FHOD3: variants seen among roughly 807,000 people sequenced by gnomAD.
The protein encoded by FHOD3 is FH1/FH2 domain-containing protein 3.
Under a neutral mutation model 173.0 loss-of-function variants are expected in FHOD3, and 90 were observed. The observed-to-expected ratio is 0.52, with a 90% CI of 0.44 to 0.62. The LOEUF is 0.62. Among genes scored for constraint, FHOD3 ranks in the 20% least tolerant of loss-of-function variants. FHOD3 has a pLI of 0.00. For synonymous variants in FHOD3, 828 were observed against 823.0 expected, an observed-to-expected ratio of 1.01 and a Z score of -0.10; for missense variants, 1,945 against 2,034.7, an observed-to-expected ratio of 0.96 and a Z score of 0.85.
intron 5 of FHOD3, among the ~76,000 whole-genome samples, chr18:36,516,875 G>C (rs2056012869): frequency 6.6e-6 from 1 of 152,214 alleles, no homozygotes; most frequent in Admixed American, 6.5e-5. Context: ...GTGGCTACAT[G>C]GGAGTCCTAC....
In FHOD3 at chr18:36,718,500, G is replaced by C. The variant is rs574638946; in HGVS notation, c.3202G>C (p.Gly1068Arg). Residue 1068 changes from glycine to arginine, a missense_variant, in exon 19 of 29, where the codon GGG becomes CGG. Gly to Arg is a moderately radical substitution (Grantham distance 125). Transcript: ENST00000590592. ...AGTGTTCAACGCTCCTCAGGGCTTA[G>C]GGTGGTCCCAGGTACCCAGGGGTCA... ...PPVFNAPQGL[G>R]WSQVPRGQPT... 34 of 1,613,896 alleles carry C rather than the reference G, an allele frequency of 2.1e-5. No homozygotes were observed. The highest frequency in any genetic ancestry group is 2.7e-5 in the Non-Finnish European group (32 of 1,180,008).
At chr18:36,600,867 TC>T (rs1404836591) in intron 7 of FHOD3, among the ~76,000 whole-genome samples, 1 of 152,200 alleles carries the variant, frequency 6.6e-6, no homozygotes, top group African/African-American at 2.4e-5. Context: ...CGATACTTTC[TC>T]CCCTGCACAT....
intron 15 of FHOD3, 91 bp from the exon 16 acceptor site, chr18:36,687,037 G>T: frequency 1.1e-6 from 1 of 950,482 alleles, no homozygotes. Flanking sequence ...AGTCTTTCAT[G>T]ATATACTGTT....
intron 3 of FHOD3, among the ~76,000 whole-genome samples, chr18:36,438,992 C>A (rs1018811075): frequency 2.0e-5 from 3 of 152,154 alleles, no homozygotes; most frequent in African/African-American, 7.2e-5. Flanking sequence ...AGACACAAGC[C>A]ATTTAGGAAG....
At chr18:36,447,554 G>T (rs754469105) in intron 3 of FHOD3, among the ~76,000 whole-genome samples, 1 of 152,304 alleles carries the variant, frequency 6.6e-6, no homozygotes, top group East Asian at 1.9e-4. Flanking sequence ...GAAGAACTTT[G>T]TGTGGTGTGG....
intron 3 of FHOD3, among the ~76,000 whole-genome samples, chr18:36,381,004 C>T (rs1172251045): frequency 2.6e-5 from 4 of 152,124 alleles, no homozygotes; most frequent in African/African-American, 4.8e-5. Context: ...TGGAGTCTTT[C>T]GATTCCCTGG....
At chr18:36,733,002 C>T (rs1436646053) in intron 20 of FHOD3, among the ~76,000 whole-genome samples, 2 of 152,180 alleles carry the variant, frequency 1.3e-5, no homozygotes, top group African/African-American at 4.8e-5. Flanking sequence ...GATTAAATGA[C>T]AAAGGTCTTG....
At chr18:36,759,649 G>T (rs891423823) in intron 26 of FHOD3, among the ~76,000 whole-genome samples, 2 of 152,202 alleles carry the variant, frequency 1.3e-5, no homozygotes, top group Non-Finnish European at 2.9e-5. Flanking sequence ...TGCAGTGGCA[G>T]ATGGCAGGGG....
intron 1 of FHOD3, among the ~76,000 whole-genome samples, chr18:36,318,758 T>C (rs531628142): frequency 6.6e-6 from 1 of 152,334 alleles, no homozygotes; most frequent in Admixed American, 6.5e-5. Context: ...TCCAATACTA[T>C]GTTGAATAGG....
intron 28 of FHOD3, among the ~76,000 whole-genome samples, chr18:36,770,700 G>A (rs1330231483): frequency 1.3e-5 from 2 of 152,286 alleles, no homozygotes; most frequent in South Asian, 4.1e-4. Flanking sequence ...GGTACACACT[G>A]TGAGTAACAA....
chr18:36,757,673 A>T (rs762336636), intron 25 of FHOD3, among the ~76,000 whole-genome samples: 6 of 152,188 alleles, frequency 3.9e-5, no homozygotes, highest in Non-Finnish European at 7.4e-5. Context: ...TAAAATCTGC[A>T]GCCCCCACGC....
chr18:36,330,755 C>T (rs1217144682), intron 1 of FHOD3, among the ~76,000 whole-genome samples: 1 of 152,118 alleles, frequency 6.6e-6, no homozygotes, highest in East Asian at 1.9e-4. Context: ...CGGTCTTTTC[C>T]CAGGAGGAAG....
At chr18:36,375,929 CCTT>C (rs2047420618) in intron 3 of FHOD3, among the ~76,000 whole-genome samples, 1 of 152,214 alleles carries the variant, frequency 6.6e-6, no homozygotes, top group South Asian at 2.1e-4. Context: ...GCTGCACTTG[CCTT>C]CTTAATCTAG....
intron 8 of FHOD3, among the ~76,000 whole-genome samples, chr18:36,609,689 A>G (rs1316001121): frequency 1.3e-5 from 2 of 148,548 alleles, no homozygotes. Context: ...GGCTCACTGC[A>G]ATCTCCGTCT....
At chr18:36,547,732 T>C (rs904255858) in intron 5 of FHOD3, among the ~76,000 whole-genome samples, 6 of 152,274 alleles carry the variant, frequency 3.9e-5, no homozygotes, top group South Asian at 2.1e-4. Flanking sequence ...CCGCAGATCG[T>C]TGGAGGCAGC....
intron 19 of FHOD3, among the ~76,000 whole-genome samples, chr18:36,719,759 A>G (rs1048503339): frequency 6.6e-6 from 1 of 152,214 alleles, no homozygotes; most frequent in African/African-American, 2.4e-5. Context: ...TCAAAATTAC[A>G]TGCAGGATCC....
intron 8 of FHOD3, 54 bp downstream of exon 8, chr18:36,602,822 G>A: frequency 7.4e-7 from 1 of 1,347,586 alleles, no homozygotes; most frequent in East Asian, 2.3e-5. Context: ...ATATGTTAAA[G>A]CCCTGACCCC....
intron 15 of FHOD3, among the ~76,000 whole-genome samples, chr18:36,686,160 C>T (rs2038600861): frequency 6.6e-6 from 1 of 151,980 alleles, no homozygotes; most frequent in South Asian, 2.1e-4. Flanking sequence ...TACGTATGTT[C>T]ATTACAGCAC....
intron 6 of FHOD3, among the ~76,000 whole-genome samples, 168 bp from the exon 7 acceptor site, chr18:36,594,619 C>A (rs747538054): frequency 6.6e-6 from 1 of 152,034 alleles, no homozygotes; most frequent in Non-Finnish European, 1.5e-5. Context: ...CTAACACCTG[C>A]CTTCTGAGGT....
Sources: gnomAD v4.1 joint callset for allele counts (sites outside exome capture counted in the v4.1 genomes callset) on GRCh38, gnomAD v4.1.1 for gene constraint, MANE v1.5 for transcripts, NCBI Gene and HGNC (gene_info 2026-07-23, HGNC 2026-07-21) for gene names.